IGF2BP1: variants seen among roughly 807,000 people sequenced by gnomAD.
IGF2BP1 encodes insulin-like growth factor 2 mRNA-binding protein 1.
A neutral mutation model predicts 74.9 loss-of-function variants in IGF2BP1; 11 were observed. The ratio of observed to expected loss-of-function variants is 0.15; its 90% CI spans 0.09 to 0.24. The LOEUF is 0.24. Ranked by LOEUF, IGF2BP1 falls within the 10% of genes least tolerant of loss-of-function variation. The pLI is 1.00. For synonymous variants in IGF2BP1, 287 were observed against 281.8 expected (o/e 1.02, Z -0.18); for missense variants, 440 against 757.4 (o/e 0.58, Z 4.92).
In IGF2BP1 at chr17:49,055,688, C is replaced by T; in HGVS notation, c.*6244C>T. 1 of 398,506 alleles carries T rather than the reference C, an allele frequency of 2.5e-6. No homozygotes were observed. The highest frequency in any genetic ancestry group is 4.4e-6 in the Non-Finnish European group (1 of 226,066). The allele number at this position is 398,506 out of a possible 1,614,324, so 24.7% of individuals were successfully genotyped here. A position where few individuals can be genotyped will look rare whatever the true frequency, so the allele number is the denominator to read the frequency against. On this transcript the variant is annotated 3_prime_UTR_variant, in exon 15 of 15. Coordinates refer to ENST00000290341, the MANE Select transcript of IGF2BP1 (RefSeq NM_006546.4). ...TTTCTCCAGGATCTTGATCCTGGTC[C>T]CCAAAACCAGAGTGAATCAAAAGAG...
rs369156235 is a variant in IGF2BP1, at chr17:49,040,101, C to T, written c.818+10C>T. ...CTAAGGACACCAAAACGTAAGTCTC[C>T]AGCTTTTCTTGGATCTTCAGGGTCT... is the stretch of plus-strand genomic sequence containing the variant. On this transcript the variant is annotated intron_variant, in intron 7 of 14. Coordinates refer to ENST00000290341, the MANE Select transcript of IGF2BP1 (RefSeq NM_006546.4). 7 of 1,613,592 alleles carry T rather than the reference C, an allele frequency of 4.3e-6. No homozygotes were observed. Among genetic ancestry groups the T allele is most frequent in the African/African-American group, 1.3e-5 (1 of 74,910 alleles).
At position 49,052,168 on chromosome 17, in the gene IGF2BP1, G is replaced by C. The variant is rs1286423298; in HGVS notation, c.*2724G>C. 1 of 152,138 alleles carries C rather than the reference G, an allele frequency of 6.6e-6. No individual in the cohort carries two copies. Among genetic ancestry groups the C allele is most frequent in the African/African-American group, 2.4e-5 (1 of 41,410 alleles). 9.4% of individuals were successfully genotyped at this position (152,138 alleles called of 1,614,324 possible). A position where few individuals can be genotyped will look rare whatever the true frequency, so the allele number is the denominator to read the frequency against. On this transcript the variant is annotated 3_prime_UTR_variant, in exon 15 of 15. Coordinates refer to ENST00000290341, the MANE Select transcript of IGF2BP1 (RefSeq NM_006546.4). ...AGAAAAACATTTAGGGATAACATCA[G>C]GCCAGTAGAATTAAGCCTCTCCACC...
Position 49,008,661 on chromosome 17 carries a change from T to A in IGF2BP1, c.236+9492T>A, listed in dbSNP as rs552471395. On this transcript the variant is annotated intron_variant, in intron 2 of 14. Transcript: ENST00000290341. ...GAATGCTGTCTGTCTAGGCCCAAACTCCTTTGCTCTCTTCTCTTAAAAGCC... is the reference window on the plus strand; with the variant it reads ...GAATGCTGTCTGTCTAGGCCCAAACACCTTTGCTCTCTTCTCTTAAAAGCC... Among the ~76,000 whole-genome samples the A allele has an allele frequency of 6.6e-5, 10 of 152,316 alleles. No homozygotes were observed. The South Asian group carries it at 2.1e-3, about 32-fold the overall frequency.
intron 2 of IGF2BP1, chr17:49,014,667 G>T: frequency 1.7e-6 from 1 of 582,582 alleles, no homozygotes; most frequent in Non-Finnish European, 2.2e-6. Flanking sequence ...GGTCATGGTT[G>T]GCAGCTAGGG....
rs538916546 is a variant in IGF2BP1 at position 48,997,733 on chromosome 17, C to A, written c.-13C>A. The A allele has an allele frequency of 9.3e-6, 15 of 1,610,836 alleles. No individual in the cohort carries two copies. The highest frequency in any genetic ancestry group is 1.3e-5 in the Non-Finnish European group (15 of 1,178,180). The stretch of plus-strand genomic sequence containing the variant: ...CCTTGCCCGGGACCGCGTCCTGCCC[C>A]GAGACCGCCACCATGAACAAGCTTT... On this transcript the variant is annotated 5_prime_UTR_variant, in exon 1 of 15. Transcript: ENST00000290341. This position sits in a 1 kb window ranked among gnomAD's most constrained non-coding sequence, Gnocchi z 4.8.
chr17:49,016,594 G>GT (rs1326324796), intron 2 of IGF2BP1, among the ~76,000 whole-genome samples: 14 of 152,140 alleles, frequency 9.2e-5, no homozygotes, highest in Non-Finnish European at 1.8e-4. Context: ...GAGGCAGTGC[G>GT]TGTATGCCAC....
intron 3 of IGF2BP1, among the ~76,000 whole-genome samples, chr17:49,025,943 C>T (rs1333841400): frequency 6.7e-6 from 1 of 148,558 alleles, no homozygotes; most frequent in African/African-American, 2.5e-5. Context: ...GCATCCTCTT[C>T]CTCCTGAGTT....
At chr17:49,044,195 C>T in intron 11 of IGF2BP1, 109 bp downstream of exon 11, 1 of 1,423,588 alleles carries the variant, frequency 7.0e-7, no homozygotes. Flanking sequence ...TTCTGTGTGT[C>T]ATATGAGGGA....
chr17:49,002,574 A>C (rs1173801194), intron 2 of IGF2BP1, among the ~76,000 whole-genome samples: 1 of 152,156 alleles, frequency 6.6e-6, no homozygotes, highest in Non-Finnish European at 1.5e-5. Flanking sequence ...TATCCAAGTC[A>C]AAAAGAAAGT....
chr17:48,998,574 C>G (rs1159754721), intron 1 of IGF2BP1, among the ~76,000 whole-genome samples: 1 of 152,180 alleles, frequency 6.6e-6, no homozygotes, highest in African/African-American at 2.4e-5. Context: ...GAGAGGCGCG[C>G]GCGGTGGCAG....
rs2042176825 is a variant in IGF2BP1, at chr17:49,052,304, A to G, written c.*2860A>G. 6.6e-6 allele frequency: 1 copy of G among 152,188 alleles called. No homozygotes were observed. The highest frequency in any genetic ancestry group is 1.5e-5 in the Non-Finnish European group (1 of 68,044). 9.4% of individuals were successfully genotyped at this position (152,188 alleles called of 1,614,324 possible). On this transcript the variant is annotated 3_prime_UTR_variant, in exon 15 of 15. Coordinates refer to ENST00000290341, the MANE Select transcript of IGF2BP1 (RefSeq NM_006546.4). The stretch of plus-strand genomic sequence containing the variant: ...GTCGGCCATTTAGTAATTTAAAGCG[A>G]ATTTCCAGCAGCAAGCATGCTTTGA...
At chr17:49,018,089 A>T (rs909813855) in intron 2 of IGF2BP1, 1 of 152,280 alleles carries the variant, frequency 6.6e-6, no homozygotes, top group Non-Finnish European at 1.5e-5. Context: ...AAAATTAAAA[A>T]TTCAGTTGCT....
At chr17:49,044,755 G>A (rs1448229706) in intron 11 of IGF2BP1, among the ~76,000 whole-genome samples, 1 of 152,256 alleles carries the variant, frequency 6.6e-6, no homozygotes, top group South Asian at 2.1e-4. Context: ...GGGGGCAGGA[G>A]GCCCTACTTA....
Position 49,055,815 on chromosome 17 carries a change from G to A in IGF2BP1, c.*6371G>A, listed in dbSNP as rs2042223104. ...TGATGAGTGCAAATTGGGAAGAGCT[G>A]GAGGCCTACTGCTTGGGACAGTTTT... is the stretch of plus-strand genomic sequence containing the variant. On this transcript the variant is annotated 3_prime_UTR_variant, in exon 15 of 15. Coordinates refer to ENST00000290341, the MANE Select transcript of IGF2BP1 (RefSeq NM_006546.4). Among the ~76,000 whole-genome samples, 1 of 150,560 alleles carries A rather than the reference G, an allele frequency of 6.6e-6. No individual in the cohort carries two copies. The highest frequency in any genetic ancestry group is 2.5e-5 in the African/African-American group (1 of 40,736).
chr17:49,017,523 ATAAT>A (rs781517672), intron 2 of IGF2BP1, among the ~76,000 whole-genome samples: 8 of 152,340 alleles, frequency 5.3e-5, no homozygotes, highest in South Asian at 2.1e-4. Context: ...ATCAATATAA[ATAAT>A]TATTAAAGAG....
chr17:49,045,086 C>T, intron 12 of IGF2BP1, 21 bp downstream of exon 12: 2 of 1,604,742 alleles, frequency 1.2e-6, no homozygotes, highest in Non-Finnish European at 1.7e-6. Context: ...TTATTGTTTT[C>T]CAAGCTGAAC....
chr17:49,024,421 A>G (rs1242816437), intron 2 of IGF2BP1, among the ~76,000 whole-genome samples: 2 of 152,078 alleles, frequency 1.3e-5, no homozygotes, highest in African/African-American at 4.8e-5. Flanking sequence ...ATTGTTAATA[A>G]TAATGATAAT....
intron 2 of IGF2BP1, among the ~76,000 whole-genome samples, chr17:49,019,931 TATATATATATATA>T (rs2041762029): frequency 1.6e-5 from 1 of 63,280 alleles, no homozygotes; most frequent in Admixed American, 1.7e-4. Flanking sequence ...TATATATATA[TATATATATATATA>T]TATATTTATA....
chr17:48,996,579 G>C (rs1475305616), upstream of IGF2BP1: 1 of 152,418 alleles, frequency 6.6e-6, no homozygotes, highest in African/African-American at 2.4e-5. Flanking sequence ...GTTAGCCCTA[G>C]CTATCACTCC....
Sources: gnomAD v4.1 joint callset for allele counts (sites outside exome capture counted in the v4.1 genomes callset) on GRCh38, gnomAD v4.1.1 for gene constraint, Gnocchi (gnomAD v3.1) non-coding constraint, MANE v1.5 for transcripts, NCBI Gene and HGNC (gene_info 2026-07-23, HGNC 2026-07-21) for gene names.